Variants in SLC2A13 observed in about 807,000 individuals in gnomAD.
SLC2A13 encodes solute carrier family 2 member 13.
SLC2A13 carries 32 observed loss-of-function variants against 64.4 expected under a neutral mutation model. The observed-to-expected ratio is 0.50, with a 90% CI of 0.37 to 0.67. SLC2A13 has a LOEUF of 0.67. Among genes scored for constraint, SLC2A13 ranks in the 30% least tolerant of loss-of-function variants. The probability of loss-of-function intolerance (pLI) is 0.00; values close to 1 mark genes in which losing one functional copy is unlikely to be tolerated. For synonymous variants in SLC2A13, 338 were observed against 327.1 expected (o/e 1.03, Z -0.36); for missense variants, 743 against 829.2 (o/e 0.90, Z 1.28).
Position 40,028,482 on chromosome 12 carries a change from C to A in SLC2A13, c.744G>T (p.Pro248=), listed in dbSNP as rs751036173. The A allele has an allele frequency of 6.2e-7, 1 of 1,613,886 alleles. No individual in the cohort carries two copies. Among genetic ancestry groups the A allele is most frequent in the South Asian group, 1.1e-5 (1 of 91,058 alleles). The part of the protein sequence containing the change: ...WRYMLGLAAV[P]AVIQFFGFLF... ...GAAAGCCAAAAAACTGTATAACCGC[C>A]GGAACTGCTGCAAGTCCCAACATGT... The change falls in exon 3 of 10, where the codon CCG becomes CCT. Residue 248 remains proline (P), a synonymous_variant. Transcript: ENST00000280871.
At chr12:39,901,201 T>C (rs570807879) in intron 4 of SLC2A13, among the ~76,000 whole-genome samples, 2 of 152,280 alleles carry the variant, frequency 1.3e-5, no homozygotes, top group African/African-American at 4.8e-5. Flanking sequence ...CAAGATGGAT[T>C]AAAGACTTAA....
chr12:39,864,693 A>C, intron 6 of SLC2A13, 69 bp downstream of exon 6: 2 of 1,580,750 alleles, frequency 1.3e-6, no homozygotes, highest in Non-Finnish European at 1.7e-6. Context: ...TACAACTTTA[A>C]AAAAGTTAAA....
At chr12:40,077,590 C>T (rs995706315) in intron 1 of SLC2A13, among the ~76,000 whole-genome samples, 4 of 152,106 alleles carry the variant, frequency 2.6e-5, no homozygotes, top group African/African-American at 9.7e-5. Context: ...AGGATGATGC[C>T]TCTGGCTTTT....
intron 3 of SLC2A13, among the ~76,000 whole-genome samples, chr12:39,980,533 G>C (rs1408899691): frequency 6.6e-6 from 1 of 151,726 alleles, no homozygotes. Context: ...CCTAGTCTCT[G>C]ATAAAGCAGA....
chr12:39,975,847 C>T (rs951123805), intron 3 of SLC2A13, among the ~76,000 whole-genome samples: 3 of 152,124 alleles, frequency 2.0e-5, no homozygotes, highest in Non-Finnish European at 2.9e-5. Context: ...TGTTCAATAA[C>T]GTATATTTGC....
intron 7 of SLC2A13, among the ~76,000 whole-genome samples, chr12:39,794,603 G>A (rs920027323): frequency 6.6e-6 from 1 of 152,148 alleles, no homozygotes; most frequent in Admixed American, 6.5e-5. Context: ...AGAAGGCAAA[G>A]GCAGAGCTGT....
chr12:39,756,237 A>G lies in SLC2A13; in HGVS notation c.*3789T>C, dbSNP rs919655486. The G allele has an allele frequency of 2.0e-5, 3 of 151,916 alleles. No homozygotes were observed. The highest frequency in any genetic ancestry group is 4.8e-5 in the African/African-American group (2 of 41,408). The allele number at this position is 151,916 out of a possible 1,614,324, so 9.4% of individuals were successfully genotyped here. ...ATATGAGCTATAAATTTTAACCACA[A>G]TTTAATACATTTTGCTATAAAGCAC... On this transcript the variant is annotated 3_prime_UTR_variant, in exon 10 of 10. Coordinates refer to ENST00000280871, the MANE Select transcript of SLC2A13 (RefSeq NM_052885.4).
In SLC2A13 at chr12:40,105,102, A is replaced by C. The variant is rs2136312963; in HGVS notation, c.556+151T>G. On this transcript the variant is annotated intron_variant, in intron 1 of 9. Transcript: ENST00000280871. This position sits in a 1 kb window ranked among gnomAD's most constrained non-coding sequence, Gnocchi z 4.2. ...GGAGAGCCTTGGAGGCTGGACCAAC[A>C]AACAGATGGGCTCTGGAGGCCAGAG... 1 of 1,211,908 alleles carries C rather than the reference A, an allele frequency of 8.3e-7. No homozygotes were observed. Among genetic ancestry groups the C allele is most frequent in the Non-Finnish European group, 1.0e-6 (1 of 963,538 alleles). The allele number at this position is 1,211,908 out of a possible 1,614,324, so 75.1% of individuals were successfully genotyped here.
Position 39,795,961 on chromosome 12 carries a change from G to T in SLC2A13, c.1446-31103C>A, listed in dbSNP as rs147581366. ...TTCAGTATATTCACAGAGTTGTGTAGCCATCATCACTACCTAATTTTAGAA... is the reference window on the plus strand; with the variant it reads ...TTCAGTATATTCACAGAGTTGTGTATCCATCATCACTACCTAATTTTAGAA... On this transcript the variant is annotated intron_variant, in intron 7 of 9. Coordinates refer to ENST00000280871, the MANE Select transcript of SLC2A13 (RefSeq NM_052885.4). Among the ~76,000 whole-genome samples, 12 of 152,114 alleles carry T rather than the reference G, an allele frequency of 7.9e-5. No individual in the cohort carries two copies. The East Asian group carries it at 1.9e-3, about 24-fold the overall frequency.
At chr12:39,957,493 A>G (rs1241124805) in intron 3 of SLC2A13, among the ~76,000 whole-genome samples, 1 of 152,080 alleles carries the variant, frequency 6.6e-6, no homozygotes, top group Admixed American at 6.6e-5. Flanking sequence ...CATCATTTTC[A>G]TGGTCCCACC....
chr12:39,932,622 G>GA (rs754087349), intron 4 of SLC2A13, among the ~76,000 whole-genome samples: 5 of 152,216 alleles, frequency 3.3e-5, no homozygotes, highest in Middle Eastern at 3.4e-3. Flanking sequence ...AACATGACGG[G>GA]AAAAAATGGA....
At chr12:39,950,619 A>C (rs1946210401) in intron 4 of SLC2A13, 1 of 152,222 alleles carries the variant, frequency 6.6e-6, no homozygotes. Context: ...GGTCTAGTGC[A>C]ACAGAGGCCC....
At chr12:40,100,790 C>T (rs1939117070) in intron 1 of SLC2A13, among the ~76,000 whole-genome samples, 1 of 151,760 alleles carries the variant, frequency 6.6e-6, no homozygotes, top group Admixed American at 6.6e-5. Flanking sequence ...ATGGTGAAAC[C>T]CTGTCTCTAC....
intron 3 of SLC2A13, among the ~76,000 whole-genome samples, chr12:40,025,352 CA>C (rs1947786194): frequency 6.6e-6 from 1 of 151,848 alleles, no homozygotes; most frequent in African/African-American, 2.4e-5. Context: ...TTAATGTAGC[CA>C]ATATACACTT....
intron 7 of SLC2A13, chr12:39,788,608 A>T (rs1437739781): frequency 6.6e-6 from 1 of 152,210 alleles, no homozygotes; most frequent in Non-Finnish European, 1.5e-5. Flanking sequence ...CTGTGGAACG[A>T]GAAACCATGG....
chr12:39,978,419 A>C (rs1430131933), intron 3 of SLC2A13, among the ~76,000 whole-genome samples: 1 of 152,216 alleles, frequency 6.6e-6, no homozygotes, highest in African/African-American at 2.4e-5. Flanking sequence ...TACCGAGTTC[A>C]TCACACTGGG....
At chr12:40,080,477 G>A (rs4767960) in intron 1 of SLC2A13, among the ~76,000 whole-genome samples, 53,595 of 152,004 alleles carry the variant, frequency 0.35, 9,646 homozygotes, top group Non-Finnish European at 0.39. Context: ...TGCAACCTCT[G>A]CCTCCCAGGT....
At chr12:39,937,098 A>G (rs1316970063) in intron 4 of SLC2A13, among the ~76,000 whole-genome samples, 1 of 152,156 alleles carries the variant, frequency 6.6e-6, no homozygotes, top group African/African-American at 2.4e-5. Flanking sequence ...TTTCAGAAGA[A>G]CCATGGCCAA....
chr12:39,917,117 T>C (rs554119886), intron 4 of SLC2A13, among the ~76,000 whole-genome samples: 1 of 152,132 alleles, frequency 6.6e-6, no homozygotes, highest in East Asian at 1.9e-4. Context: ...CACCCATCAA[T>C]CAAATATGTG....
Sources: gnomAD v4.1 joint callset for allele counts (sites outside exome capture counted in the v4.1 genomes callset) on GRCh38, gnomAD v4.1.1 for gene constraint, Gnocchi (gnomAD v3.1) non-coding constraint, MANE v1.5 for transcripts, NCBI Gene and HGNC (gene_info 2026-07-23, HGNC 2026-07-21) for gene names.